Variants in FGF14 observed in about 807,000 individuals in gnomAD.
FGF14 encodes the protein fibroblast growth factor homologous factor 4.
A neutral mutation model predicts 25.5 loss-of-function variants in FGF14; 5 were observed. That is an observed-to-expected ratio of 0.20 (90% CI 0.10 to 0.41). The LOEUF (loss-of-function observed/expected upper bound fraction) is 0.41, where lower values mean the gene tolerates loss of function less well. Ranked by LOEUF, FGF14 falls within the 10% of genes least tolerant of loss-of-function variation. The pLI, the probability that FGF14 is intolerant of heterozygous loss-of-function variation, is 1.00. For synonymous variants in FGF14, 138 were observed against 118.3 expected, an observed-to-expected ratio of 1.17 and a Z score of -1.08; for missense variants, 222 against 320.1, an observed-to-expected ratio of 0.69 and a Z score of 2.34.
chr13:102,269,066 T>TA (rs1395203773), intron 1 of FGF14, among the ~76,000 whole-genome samples: 1 of 152,146 alleles, frequency 6.6e-6, no homozygotes, highest in Admixed American at 6.5e-5. Context: ...AATTCAAGCT[T>TA]AATGTTTGGG....
Position 102,017,750 on chromosome 13 carries a change from G to C in FGF14, c.209-142454C>G, listed in dbSNP as rs369123474. On this transcript the variant is annotated intron_variant, in intron 1 of 4. Coordinates refer to the FGF14 transcript ENST00000376131. The stretch of plus-strand genomic sequence containing the variant: ...CGTTTTCCTGGAATTCCTATCAAAT[G>C]AATGTTGGAGCTTCTGGATCTATCC... 2.6e-5 allele frequency among the ~76,000 whole-genome samples: 4 copies of C among 152,200 alleles called. No individual in the cohort carries two copies. The East Asian group carries it at 7.7e-4, about 29-fold the overall frequency.
intron 1 of FGF14, among the ~76,000 whole-genome samples, chr13:102,161,107 T>C (rs2047603008): frequency 6.6e-6 from 1 of 152,110 alleles, no homozygotes; most frequent in Admixed American, 6.5e-5. Context: ...AGGCAGAATG[T>C]AAAGGAAAAC....
chr13:102,142,291 A>C lies in FGF14; in HGVS notation c.208+259180T>G, dbSNP rs544237802. Among the ~76,000 whole-genome samples, 731 of 152,300 alleles carry C rather than the reference A, an allele frequency of 4.8e-3. 4 individuals carry two copies. The highest frequency in any genetic ancestry group is 6.7e-3 in the Non-Finnish European group (459 of 68,014). On this transcript the variant is annotated intron_variant, in intron 1 of 4. Transcript: ENST00000376131. ...TGCATCTTTTCTTAACAAATGTAGC[A>C]CTGTGGTAAAAATAGGATATGATTT...
intron 1 of FGF14, among the ~76,000 whole-genome samples, chr13:102,295,106 G>A (rs2054631126): frequency 6.6e-6 from 1 of 152,210 alleles, no homozygotes; most frequent in South Asian, 2.1e-4. Context: ...TTTAAAACCA[G>A]AAAGAACCAT....
At chr13:102,058,544 T>A (rs763892420) in intron 1 of FGF14, among the ~76,000 whole-genome samples, 3 of 152,222 alleles carry the variant, frequency 2.0e-5, no homozygotes, top group Admixed American at 2.0e-4. Flanking sequence ...AACAAAGTTG[T>A]ATATTTGCAT....
intron 3 of FGF14, among the ~76,000 whole-genome samples, chr13:101,816,636 A>T (rs1424325136): frequency 6.6e-6 from 1 of 152,162 alleles, no homozygotes; most frequent in Non-Finnish European, 1.5e-5. Context: ...TGACTTTTGC[A>T]TATTTTAATA....
chr13:102,012,839 C>T (rs1398038775), intron 1 of FGF14, among the ~76,000 whole-genome samples: 1 of 152,050 alleles, frequency 6.6e-6, no homozygotes, highest in Non-Finnish European at 1.5e-5. Flanking sequence ...CATATGAAAC[C>T]CGCCTCTTCT....
chr13:102,211,836 C>G (rs968009215), intron 1 of FGF14, among the ~76,000 whole-genome samples: 4 of 152,158 alleles, frequency 2.6e-5, no homozygotes, highest in Non-Finnish European at 2.9e-5. Flanking sequence ...CACTCTAGAT[C>G]GCTTTTCATA....
intron 1 of FGF14, among the ~76,000 whole-genome samples, chr13:102,328,648 G>A (rs192460687): frequency 2.6e-5 from 4 of 152,354 alleles, no homozygotes; most frequent in Admixed American, 6.5e-5. Flanking sequence ...GCTGTATCGT[G>A]TGATACACGA....
chr13:102,344,166 G>C (rs1177019476), intron 1 of FGF14, among the ~76,000 whole-genome samples: 1 of 152,154 alleles, frequency 6.6e-6, no homozygotes, highest in African/African-American at 2.4e-5. Flanking sequence ...CTGCGGCTAT[G>C]ATATTTTTAA....
chr13:102,354,403 G>C (rs938644465), intron 1 of FGF14, among the ~76,000 whole-genome samples: 6 of 152,132 alleles, frequency 3.9e-5, no homozygotes, highest in African/African-American at 1.2e-4. Context: ...TCAGTGAAAG[G>C]CTGATCAAAG....
chr13:102,034,694 T>C (rs932149969), intron 1 of FGF14, among the ~76,000 whole-genome samples: 4 of 152,100 alleles, frequency 2.6e-5, no homozygotes, highest in African/African-American at 4.8e-5. Flanking sequence ...CAATCTTACA[T>C]CTGAACCACT....
intron 3 of FGF14, among the ~76,000 whole-genome samples, chr13:101,746,422 G>T (rs1425207206): frequency 6.6e-6 from 1 of 151,942 alleles, no homozygotes; most frequent in Non-Finnish European, 1.5e-5. Flanking sequence ...TATACTGACA[G>T]TATTTATTAT....
chr13:102,323,918 AT>A (rs2056329203), intron 1 of FGF14, among the ~76,000 whole-genome samples: 1 of 151,626 alleles, frequency 6.6e-6, no homozygotes, highest in Non-Finnish European at 1.5e-5. Flanking sequence ...ACAGAATGTT[AT>A]ATATCAGATG....
intron 1 of FGF14, among the ~76,000 whole-genome samples, chr13:102,076,364 G>T (rs1442206213): frequency 6.6e-6 from 1 of 152,158 alleles, no homozygotes; most frequent in Non-Finnish European, 1.5e-5. Context: ...ATTCAGTACA[G>T]GCATATGTTG....
At chr13:101,949,260 T>C (rs562687506) in intron 1 of FGF14, among the ~76,000 whole-genome samples, 1 of 152,262 alleles carries the variant, frequency 6.6e-6, no homozygotes, top group South Asian at 2.1e-4. Context: ...CCGGGAACCT[T>C]TCCTGGTAAT....
chr13:102,161,570 A>ACCCC (rs1555369390), intron 1 of FGF14, among the ~76,000 whole-genome samples: 18 of 5,650 alleles, frequency 3.2e-3, no homozygotes, highest in African/African-American at 0.015. Context: ...TTCTGTGAAG[A>ACCCC]AAGAAAGAAG....
intron 1 of FGF14, among the ~76,000 whole-genome samples, chr13:102,246,742 T>G (rs2051890001): frequency 7.9e-6 from 1 of 125,812 alleles, no homozygotes; most frequent in East Asian, 2.1e-4. Flanking sequence ...CTTTAAATTT[T>G]ATATGGAACA....
At chr13:102,130,711 A>G (rs1158583180) in intron 1 of FGF14, among the ~76,000 whole-genome samples, 1 of 152,158 alleles carries the variant, frequency 6.6e-6, no homozygotes, top group Non-Finnish European at 1.5e-5. Context: ...GGAAAGCCAA[A>G]TGCCCTAGGA....
Sources: gnomAD v4.1 joint callset for allele counts (sites outside exome capture counted in the v4.1 genomes callset) on GRCh38, gnomAD v4.1.1 for gene constraint, MANE v1.5 for transcripts, NCBI Gene and HGNC (gene_info 2026-07-23, HGNC 2026-07-21) for gene names.